ITGBL1: variants seen among roughly 807,000 people sequenced by gnomAD.
ITGBL1 encodes integrin subunit beta like 1, also known as integrin beta-like protein 1.
Under a neutral mutation model 68.5 loss-of-function variants are expected in ITGBL1, and 51 were observed. The ratio of observed to expected loss-of-function variants is 0.74; its 90% confidence interval spans 0.59 to 0.94. The LOEUF is 0.94. ITGBL1 is among the 40% of genes least tolerant of loss of function. The probability of loss-of-function intolerance (pLI) is 0.00; values close to 1 mark genes in which losing one functional copy is unlikely to be tolerated. For synonymous variants in ITGBL1, 209 were observed against 227.3 expected (o/e 0.92, Z 0.72); for missense variants, 649 against 647.4 (o/e 1.00, Z -0.03).
chr13:101,706,898 G>C lies in ITGBL1; in HGVS notation c.1275G>C (p.Gly425=), dbSNP rs780399940. The C allele has an allele frequency of 5.6e-6, 9 of 1,613,722 alleles. No individual in the cohort carries two copies. Among genetic ancestry groups the C allele is most frequent in the Non-Finnish European group, 6.8e-6 (8 of 1,179,796 alleles). ...CESADGILCS[G]KGSCHCGKCI... ...CAGCAGATGGCATATTGTGCTCGGG[G>C]AAGGGTGAGTATCTCTGCTGGTGCC... is the stretch of plus-strand genomic sequence containing the variant. The change falls in exon 9 of 11, where the codon GGG becomes GGC. Residue 425 remains glycine, a synonymous_variant. Coordinates refer to ENST00000376180, the MANE Select transcript of ITGBL1 (RefSeq NM_004791.3).
At chr13:101,585,729 G>C (rs1050462409) in intron 6 of ITGBL1, among the ~76,000 whole-genome samples, 1 of 152,102 alleles carries the variant, frequency 6.6e-6, no homozygotes, top group South Asian at 2.1e-4. Context: ...CTCCCCCGGC[G>C]GCAATGTCAT....
intron 2 of ITGBL1, among the ~76,000 whole-genome samples, chr13:101,457,127 GC>G (rs2048255266): frequency 6.6e-6 from 1 of 152,122 alleles, no homozygotes; most frequent in South Asian, 2.1e-4. Context: ...TGAAGTAAGT[GC>G]TCAGTACATA....
chr13:101,632,402 G>A (rs1476446792), intron 7 of ITGBL1, among the ~76,000 whole-genome samples: 2 of 152,148 alleles, frequency 1.3e-5, no homozygotes, highest in Non-Finnish European at 2.9e-5. Flanking sequence ...AGCCTGAAAA[G>A]CACCAATATG....
chr13:101,461,369 T>C (rs1028701641), intron 2 of ITGBL1, among the ~76,000 whole-genome samples: 1 of 152,126 alleles, frequency 6.6e-6, no homozygotes, highest in Non-Finnish European at 1.5e-5. Flanking sequence ...TGACTCACCA[T>C]GTTCATGTTC....
At chr13:101,589,835 T>G (rs1188158257) in intron 6 of ITGBL1, among the ~76,000 whole-genome samples, 2 of 152,192 alleles carry the variant, frequency 1.3e-5, no homozygotes, top group Non-Finnish European at 2.9e-5. Flanking sequence ...TTTAGAAGCA[T>G]GATCCTGGAG....
intron 2 of ITGBL1, among the ~76,000 whole-genome samples, chr13:101,478,261 A>G (rs992027440): frequency 3.9e-5 from 6 of 152,164 alleles, no homozygotes; most frequent in Non-Finnish European, 7.4e-5. Context: ...TGATACTGAA[A>G]AAGCATTGGA....
intron 7 of ITGBL1, among the ~76,000 whole-genome samples, chr13:101,601,291 T>C (rs1459829306): frequency 6.6e-6 from 1 of 152,218 alleles, no homozygotes; most frequent in African/African-American, 2.4e-5. Flanking sequence ...ATCCCCTTTG[T>C]CATTTTTTAT....
chr13:101,481,196 G>C (rs886977906), intron 2 of ITGBL1, among the ~76,000 whole-genome samples: 1 of 151,358 alleles, frequency 6.6e-6, no homozygotes, highest in African/African-American at 2.4e-5. Flanking sequence ...GAGAGAGAGA[G>C]AGAGAGACTG....
downstream of ITGBL1, chr13:101,717,288 A>G (rs2034761851): frequency 6.6e-6 from 1 of 152,184 alleles, no homozygotes; most frequent in South Asian, 2.1e-4. Flanking sequence ...ATGTTCTCAT[A>G]ATGTAATAGA....
intron 7 of ITGBL1, among the ~76,000 whole-genome samples, chr13:101,641,931 A>G (rs1303730365): frequency 6.6e-6 from 1 of 151,990 alleles, no homozygotes; most frequent in Non-Finnish European, 1.5e-5. Flanking sequence ...CATGGAGTAT[A>G]TGTGCCACAT....
At chr13:101,568,306 T>A (rs1031763084) in intron 3 of ITGBL1, among the ~76,000 whole-genome samples, 3 of 152,200 alleles carry the variant, frequency 2.0e-5, no homozygotes, top group Non-Finnish European at 4.4e-5. Context: ...ACAGAAAGAT[T>A]TTTTGTTTGA....
At chr13:101,474,156 A>G (rs1317078344) in intron 2 of ITGBL1, among the ~76,000 whole-genome samples, 2 of 152,162 alleles carry the variant, frequency 1.3e-5, no homozygotes, top group Non-Finnish European at 2.9e-5. Flanking sequence ...CCCCAGTTCT[A>G]CAGTTCTAGG....
chr13:101,513,629 G>T (rs565955838), intron 2 of ITGBL1, among the ~76,000 whole-genome samples: 2 of 151,888 alleles, frequency 1.3e-5, no homozygotes, highest in African/African-American at 4.8e-5. Flanking sequence ...ATTACTTATG[G>T]CTAGAATTCC....
At chr13:101,493,010 C>T (rs974476770) in intron 2 of ITGBL1, among the ~76,000 whole-genome samples, 1 of 152,130 alleles carries the variant, frequency 6.6e-6, no homozygotes, top group Non-Finnish European at 1.5e-5. Context: ...CTCTGTTAAG[C>T]ATGTAGTAGA....
At chr13:101,505,971 T>C (rs962984830) in intron 2 of ITGBL1, among the ~76,000 whole-genome samples, 1 of 152,308 alleles carries the variant, frequency 6.6e-6, no homozygotes, top group South Asian at 2.1e-4. Context: ...CTCCCTTTTT[T>C]GGCTGCATGT....
At position 101,538,683 on chromosome 13, in the gene ITGBL1, GT is replaced by G. The variant is rs565460128; in HGVS notation, c.317-29013del. On this transcript the variant is annotated intron_variant, in intron 2 of 10. Transcript: ENST00000376180. ...TATTTTACAAAATTAAAAAGAAAGT[GT>G]TTCATTCTAATAAGCTAATGGATAT... Among the ~76,000 whole-genome samples, 218 of 152,106 alleles carry G rather than the reference GT, an allele frequency of 1.4e-3. 2 individuals carry two copies. Among genetic ancestry groups the G allele is most frequent in the African/African-American group, 5.0e-3 (207 of 41,492 alleles).
intron 2 of ITGBL1, among the ~76,000 whole-genome samples, chr13:101,542,878 C>A (rs761241182): frequency 5.3e-5 from 8 of 152,048 alleles, no homozygotes; most frequent in Non-Finnish European, 1.2e-4. Flanking sequence ...AGGATTGCAA[C>A]CCCTGCCTTT....
At chr13:101,532,339 C>T (rs2049498339) in intron 2 of ITGBL1, among the ~76,000 whole-genome samples, 1 of 152,182 alleles carries the variant, frequency 6.6e-6, no homozygotes, top group Non-Finnish European at 1.5e-5. Context: ...GTGTTATTCA[C>T]TGCAAATTGA....
intron 2 of ITGBL1, among the ~76,000 whole-genome samples, chr13:101,460,680 T>C (rs1041332413): frequency 6.6e-6 from 1 of 152,160 alleles, no homozygotes; most frequent in Non-Finnish European, 1.5e-5. Context: ...GGCTTACAGT[T>C]TTGCAGGCTG....
Sources: gnomAD v4.1 joint callset for allele counts (sites outside exome capture counted in the v4.1 genomes callset) on GRCh38, gnomAD v4.1.1 for gene constraint, MANE v1.5 for transcripts, NCBI Gene and HGNC (gene_info 2026-07-23, HGNC 2026-07-21) for gene names.